Variants in GSG1L observed in about 807,000 individuals in gnomAD.
GSG1L encodes the protein GSG1 like.
A neutral mutation model predicts 42.1 loss-of-function variants in GSG1L; 24 were observed. The ratio of observed to expected loss-of-function variants is 0.57; its 90% CI spans 0.41 to 0.80. GSG1L has a LOEUF of 0.80. Among genes scored for constraint, GSG1L ranks in the 30% least tolerant of loss-of-function variants. The pLI is 0.00. For missense variants in GSG1L, 445 were observed against 472.2 expected, an observed-to-expected ratio of 0.94 and a Z score of 0.53; for synonymous variants, 215 against 203.5, an observed-to-expected ratio of 1.06 and a Z score of -0.48.
chr16:27,894,201 A>G (rs1409091502), intron 2 of GSG1L, among the ~76,000 whole-genome samples: 2 of 152,240 alleles, frequency 1.3e-5, no homozygotes, highest in Non-Finnish European at 2.9e-5. Flanking sequence ...TTGGGCATAC[A>G]TGAAGCAGCC....
intron 1 of GSG1L, among the ~76,000 whole-genome samples, chr16:28,045,292 G>A (rs1207875731): frequency 6.6e-6 from 1 of 152,214 alleles, no homozygotes; most frequent in East Asian, 1.9e-4. Context: ...TGTTGATAAT[G>A]GGAGAGGCTA....
intron 1 of GSG1L, among the ~76,000 whole-genome samples, chr16:28,002,391 C>T (rs1425845095): frequency 1.3e-5 from 2 of 152,140 alleles, no homozygotes; most frequent in South Asian, 2.1e-4. Context: ...GAGACCAACA[C>T]GAGAGGACCA....
intron 5 of GSG1L, among the ~76,000 whole-genome samples, chr16:27,812,985 G>T (rs2083050536): frequency 6.6e-6 from 1 of 152,026 alleles, no homozygotes; most frequent in Non-Finnish European, 1.5e-5. Flanking sequence ...TCACCATGCT[G>T]CCCAGGCTGG....
At chr16:27,959,876 T>TA (rs1231427583) in intron 2 of GSG1L, among the ~76,000 whole-genome samples, 2 of 152,086 alleles carry the variant, frequency 1.3e-5, no homozygotes, top group Admixed American at 6.6e-5. Context: ...GGAATCCGGA[T>TA]AAAAAATGGT....
chr16:27,925,639 C>T (rs1368665168), intron 2 of GSG1L, among the ~76,000 whole-genome samples: 7 of 152,100 alleles, frequency 4.6e-5, no homozygotes, highest in African/African-American at 1.4e-4. Context: ...CATGACCATC[C>T]GAGGGTGGGT....
intron 1 of GSG1L, among the ~76,000 whole-genome samples, chr16:28,002,605 C>G (rs2085589926): frequency 6.6e-6 from 1 of 151,274 alleles, no homozygotes; most frequent in African/African-American, 2.4e-5. Context: ...TAGCCTGTGA[C>G]AGAGCAAGAT....
intron 1 of GSG1L, among the ~76,000 whole-genome samples, chr16:28,013,708 C>T (rs1460921675): frequency 6.6e-6 from 1 of 152,220 alleles, no homozygotes; most frequent in Non-Finnish European, 1.5e-5. Context: ...ACCCCAAGCG[C>T]CACGTTAAGG....
At chr16:27,804,742 A>G (rs568871396) in intron 6 of GSG1L, among the ~76,000 whole-genome samples, 53 of 15,862 alleles carry the variant, frequency 3.3e-3, no homozygotes, top group Admixed American at 5.1e-3. Flanking sequence ...GTGGGGGCTG[A>G]GATTGGGGGT....
At chr16:27,862,805 A>T (rs1325199713) in intron 3 of GSG1L, among the ~76,000 whole-genome samples, 2 of 152,184 alleles carry the variant, frequency 1.3e-5, no homozygotes, top group Admixed American at 6.5e-5. Flanking sequence ...ATACACAGAC[A>T]CACGCATGAC....
At chr16:28,008,878 G>A (rs980698070) in intron 1 of GSG1L, among the ~76,000 whole-genome samples, 71 of 152,146 alleles carry the variant, frequency 4.7e-4, no homozygotes, top group African/African-American at 1.3e-3. Flanking sequence ...GCGGGATTTC[G>A]GACCACTGCA....
At chr16:27,813,510 A>C (rs6498038) in intron 5 of GSG1L, among the ~76,000 whole-genome samples, 101,782 of 152,086 alleles carry the variant, frequency 0.67, 34,678 homozygotes, top group African/African-American at 0.8. Flanking sequence ...GTCTTTCCTA[A>C]TGTGAAGAGC....
intron 1 of GSG1L, among the ~76,000 whole-genome samples, chr16:28,028,437 C>T (rs1189348962): frequency 6.6e-6 from 1 of 151,918 alleles, no homozygotes; most frequent in Admixed American, 6.6e-5. Flanking sequence ...GCCTACGATT[C>T]CCGAGTGTAA....
At chr16:27,820,785 T>C (rs779386116) in intron 5 of GSG1L, among the ~76,000 whole-genome samples, 32 of 152,012 alleles carry the variant, frequency 2.1e-4, no homozygotes, top group Non-Finnish European at 4.0e-4. Context: ...GATAAATGCA[T>C]CCCAGTGATA....
intron 1 of GSG1L, among the ~76,000 whole-genome samples, chr16:27,974,149 C>T (rs775842082): frequency 2.2e-4 from 33 of 152,162 alleles, no homozygotes; most frequent in Non-Finnish European, 4.3e-4. Context: ...TGTCTTCCTG[C>T]TTCAGGGAGG....
chr16:27,882,006 TC>T, intron 3 of GSG1L, among the ~76,000 whole-genome samples: 1 of 152,230 alleles, frequency 6.6e-6, no homozygotes, highest in East Asian at 1.9e-4. Flanking sequence ...AGAGAGATCA[TC>T]CCTGATGTGA....
intron 6 of GSG1L, among the ~76,000 whole-genome samples, chr16:27,799,775 T>G (rs146666804): frequency 3.2e-4 from 48 of 152,198 alleles, no homozygotes; most frequent in South Asian, 1.5e-3. Flanking sequence ...GTTTATGTCT[T>G]CGGAGGATGG....
Position 28,063,553 on chromosome 16 carries a change from G to T in GSG1L, c.-129C>A, listed in dbSNP as rs1009233700. 9 of 399,100 alleles carry T rather than the reference G, an allele frequency of 2.3e-5. No homozygotes were observed. Among genetic ancestry groups the T allele is most frequent in the Non-Finnish European group, 3.1e-5 (9 of 287,560 alleles). 24.7% of individuals were successfully genotyped at this position (399,100 alleles called of 1,614,324 possible). A position where few individuals can be genotyped will look rare whatever the true frequency, so the allele number is the denominator to read the frequency against. Reference sequence around the variant, plus strand: ...GCTCGGGTGCCTGAGATCGGCGGCGGCGGACGCGGCGCGGGCCCATGCCCC... The same window carrying T: ...GCTCGGGTGCCTGAGATCGGCGGCGTCGGACGCGGCGCGGGCCCATGCCCC... On this transcript the variant is annotated 5_prime_UTR_variant, in exon 1 of 7. Transcript: ENST00000447459. The surrounding 1 kb of genome is among the most constrained non-coding windows in gnomAD (Gnocchi z 5.8).
intron 3 of GSG1L, among the ~76,000 whole-genome samples, chr16:27,864,599 T>C (rs1025681792): frequency 6.6e-6 from 1 of 152,216 alleles, no homozygotes; most frequent in Non-Finnish European, 1.5e-5. Flanking sequence ...TACTGAGAGA[T>C]GACATTACAG....
intron 5 of GSG1L, among the ~76,000 whole-genome samples, chr16:27,821,971 C>T (rs8062613): frequency 0.43 from 65,206 of 151,748 alleles, 14,552 homozygotes; most frequent in Admixed American, 0.58. Context: ...AAACAAAACA[C>T]ATCTGCAGGC....
Sources: gnomAD v4.1 joint callset for allele counts (sites outside exome capture counted in the v4.1 genomes callset) on GRCh38, gnomAD v4.1.1 for gene constraint, Gnocchi (gnomAD v3.1) non-coding constraint, MANE v1.5 for transcripts, NCBI Gene and HGNC (gene_info 2026-07-23, HGNC 2026-07-21) for gene names.